The following MAP7 variants were observed in gnomAD, a reference collection of about 807,000 sequenced individuals.
MAP7 encodes the protein microtubule associated protein 7, also known as ensconsin.
In MAP7, 52 loss-of-function variants were observed where a neutral mutation model predicts 94.8. The observed-to-expected ratio is 0.55, with a 90% CI of 0.44 to 0.69. The LOEUF (loss-of-function observed/expected upper bound fraction) is 0.69, where lower values mean the gene tolerates loss of function less well. MAP7 is among the 30% of genes least tolerant of loss of function. MAP7 has a pLI of 0.00. For synonymous variants in MAP7, 350 were observed against 357.0 expected (o/e 0.98, Z 0.22); for missense variants, 940 against 964.6 (o/e 0.97, Z 0.34).
At chr6:136,537,145 CTT>C (rs3839516) in intron 1 of MAP7, among the ~76,000 whole-genome samples, 14 of 144,202 alleles carry the variant, frequency 9.7e-5, no homozygotes, top group Admixed American at 1.4e-4. Context: ...CTTTCTCTTT[CTT>C]TTTTTTTTTT....
chr6:136,349,351 A>C (rs1472758886), intron 16 of MAP7, among the ~76,000 whole-genome samples: 1 of 152,178 alleles, frequency 6.6e-6, no homozygotes, highest in African/African-American at 2.4e-5. Context: ...AAATTTTATA[A>C]AATCCATATA....
At chr6:136,465,081 G>T (rs560004882) in intron 1 of MAP7, among the ~76,000 whole-genome samples, 1 of 152,186 alleles carries the variant, frequency 6.6e-6, no homozygotes, top group Non-Finnish European at 1.5e-5. Context: ...CAGGGCTGCC[G>T]TATGTCGAGT....
chr6:136,360,045 A>G lies in MAP7; in HGVS notation c.1804-14T>C. The G allele has an allele frequency of 6.2e-7, 1 of 1,603,464 alleles. No homozygotes were observed. On this transcript the variant is annotated splice_polypyrimidine_tract_variant and intron_variant, in intron 13 of 17. Coordinates refer to ENST00000354570, the MANE Select transcript of MAP7 (RefSeq NM_003980.6). The stretch of plus-strand genomic sequence containing the variant: ...CTCCTCAAGTCGCTATAGGAAAGGA[A>G]GAATTGAGCAAGAAGATTAGACACA...
intron 1 of MAP7, among the ~76,000 whole-genome samples, chr6:136,530,766 T>G (rs184591943): frequency 6.9e-6 from 1 of 145,268 alleles, no homozygotes. Context: ...AAGAGGCAGA[T>G]TTGCTTTGAT....
chr6:136,366,049 G>A (rs1162712403), intron 9 of MAP7, 31 bp from the exon 10 acceptor site: 1 of 1,592,116 alleles, frequency 6.3e-7, no homozygotes, highest in East Asian at 2.2e-5. Flanking sequence ...GCAGACAAAA[G>A]GGGACACATG....
intron 3 of MAP7, among the ~76,000 whole-genome samples, chr6:136,394,970 A>ATATATC (rs1582782641): frequency 7.6e-6 from 1 of 131,228 alleles, no homozygotes; most frequent in Non-Finnish European, 1.6e-5. Context: ...ATATATATAT[A>ATATATC]TCACATTTTC....
Position 136,488,031 on chromosome 6 carries a change from T to C in MAP7, c.67+62311A>G, listed in dbSNP as rs3778311. ...ATGCTTTATTTACTTTCACATTATG[T>C]TCATATTTAGCTAATTGTAACATCT... is the stretch of plus-strand genomic sequence containing the variant. On this transcript the variant is annotated intron_variant, in intron 1 of 17. Transcript: ENST00000354570. Among the ~76,000 whole-genome samples, 1,880 of 152,328 alleles carry C rather than the reference T, an allele frequency of 0.012. 83 individuals carry two copies. The East Asian group carries it at 0.14, about 11-fold the overall frequency.
At chr6:136,395,380 T>C (rs1782140943) in intron 3 of MAP7, among the ~76,000 whole-genome samples, 2 of 151,400 alleles carry the variant, frequency 1.3e-5, no homozygotes, top group South Asian at 4.2e-4. Flanking sequence ...GAAATGCTAT[T>C]CAGATCATTT....
At position 136,361,126 on chromosome 6, in the gene MAP7, C is replaced by T. The variant is rs1301059510; in HGVS notation, c.1580G>A (p.Arg527His). Residue 527 changes from arginine to histidine, a missense_variant, in exon 12 of 18, where the codon CGT becomes CAT. Transcript: ENST00000354570. ...TTCCAGCCTGCGCGACTCCTCCTCA[C>T]GGCGAGTCGTCCTCTCTTCAGCCAC... The part of the protein sequence containing the change: ...QRVAEERTTR[R>H]EEESRRLEAE... The T allele has an allele frequency of 6.9e-6, 11 of 1,605,666 alleles. No homozygotes were observed. Among genetic ancestry groups the T allele is most frequent in the Admixed American group, 1.7e-5 (1 of 60,004 alleles).
chr6:136,430,700 G>A (rs1794651813), intron 1 of MAP7, among the ~76,000 whole-genome samples: 1 of 152,120 alleles, frequency 6.6e-6, no homozygotes, highest in Non-Finnish European at 1.5e-5. Context: ...CTAAAATTAT[G>A]GGCCAACGCA....
intron 1 of MAP7, among the ~76,000 whole-genome samples, chr6:136,458,692 T>C (rs1479192352): frequency 6.6e-6 from 1 of 152,028 alleles, no homozygotes; most frequent in East Asian, 1.9e-4. Context: ...TAACAAATAA[T>C]GCTGGAAAAA....
At chr6:136,505,277 G>GTATATATATATATATATA (rs56764706) in intron 1 of MAP7, among the ~76,000 whole-genome samples, 22 of 53,828 alleles carry the variant, frequency 4.1e-4, no homozygotes, top group African/African-American at 1.4e-3. Context: ...GTGTGTGTGT[G>GTATATATATATATATATA]TATATATATA....
At chr6:136,549,887 G>A (rs1382330517) in intron 1 of MAP7, among the ~76,000 whole-genome samples, 1 of 152,240 alleles carries the variant, frequency 6.6e-6, no homozygotes, top group African/African-American at 2.4e-5. Context: ...GGCACCCGGG[G>A]CGACCAGGGA....
intron 2 of MAP7, among the ~76,000 whole-genome samples, chr6:136,420,717 TA>T (rs1474604602): frequency 6.6e-6 from 1 of 152,190 alleles, no homozygotes; most frequent in Non-Finnish European, 1.5e-5. Context: ...CATTTTCCAC[TA>T]ATGGCAGCTT....
intron 16 of MAP7, among the ~76,000 whole-genome samples, chr6:136,349,293 T>C (rs1339371196): frequency 2.0e-5 from 3 of 152,348 alleles, no homozygotes; most frequent in African/African-American, 7.2e-5. Flanking sequence ...TCAAGTATTT[T>C]ATAAACGTCG....
intron 1 of MAP7, among the ~76,000 whole-genome samples, chr6:136,512,129 A>G (rs1355452308): frequency 3.9e-5 from 6 of 152,252 alleles, no homozygotes; most frequent in Non-Finnish European, 8.8e-5. Context: ...GATTCAAAAC[A>G]AAGTCCTGAA....
chr6:136,481,882 T>C (rs1047419221), intron 1 of MAP7, among the ~76,000 whole-genome samples: 8 of 152,176 alleles, frequency 5.3e-5, no homozygotes, highest in Non-Finnish European at 1.2e-4. Context: ...CCCATAAATA[T>C]ATATAGCCAC....
intron 3 of MAP7, among the ~76,000 whole-genome samples, chr6:136,389,857 T>C (rs1291066885): frequency 6.6e-6 from 1 of 152,172 alleles, no homozygotes; most frequent in Non-Finnish European, 1.5e-5. Flanking sequence ...ATCTGTCTCT[T>C]TTTTTTATTA....
chr6:136,433,575 A>T (rs1795551262), intron 1 of MAP7, among the ~76,000 whole-genome samples: 1 of 152,226 alleles, frequency 6.6e-6, no homozygotes, highest in Non-Finnish European at 1.5e-5. Flanking sequence ...CAAAAGTAGG[A>T]ACAAAACCTT....
Sources: allele counts gnomAD v4.1 joint callset (sites outside exome capture counted in the v4.1 genomes callset), GRCh38; gene constraint gnomAD v4.1.1; transcripts MANE v1.5; gene names NCBI Gene and HGNC (gene_info 2026-07-23, HGNC 2026-07-21).